ATXN7L1: variants seen among roughly 807,000 people sequenced by gnomAD.
ATXN7L1 encodes the protein ataxin-7-like protein 1.
In ATXN7L1, 15 loss-of-function variants were observed where a neutral mutation model predicts 70.8. The ratio of observed to expected loss-of-function variants is 0.21; its 90% CI spans 0.14 to 0.33. ATXN7L1 has a LOEUF of 0.33. Ranked by LOEUF, ATXN7L1 falls within the 10% of genes least tolerant of loss-of-function variation. The probability of loss-of-function intolerance (pLI) is 1.00; values close to 1 mark genes in which losing one functional copy is unlikely to be tolerated. For synonymous variants in ATXN7L1, 440 were observed against 445.1 expected (o/e 0.99, Z 0.14); for missense variants, 975 against 1,097.1 (o/e 0.89, Z 1.57).
At chr7:105,845,618 C>T (rs899233605) in intron 2 of ATXN7L1, among the ~76,000 whole-genome samples, 4 of 146,534 alleles carry the variant, frequency 2.7e-5, no homozygotes, top group African/African-American at 1.0e-4. Context: ...TGAAAAAGAA[C>T]AAAGTTGGAA....
In ATXN7L1 at chr7:105,658,716, T is replaced by G. The variant is rs2116025686; in HGVS notation, c.578+6350A>C. On this transcript the variant is annotated intron_variant, in intron 4 of 11. Coordinates refer to ENST00000419735, the MANE Select transcript of ATXN7L1 (RefSeq NM_020725.2). ...TGGTTATTTTTTTTTGTATTTTTAG[T>G]AGATACGGGGTTCCACCATGTTGGC... 2.0e-5 allele frequency among the ~76,000 whole-genome samples: 3 copies of G among 152,138 alleles called. No individual in the cohort carries two copies. The Middle Eastern group carries it at 0.01, about 517-fold the overall frequency.
intron 5 of ATXN7L1, among the ~76,000 whole-genome samples, 185 bp downstream of exon 5, chr7:105,642,653 C>G (rs1054015846): frequency 6.6e-6 from 1 of 152,200 alleles, no homozygotes; most frequent in Non-Finnish European, 1.5e-5. Flanking sequence ...TTCATCTGCC[C>G]GGGGAAGAAG....
At chr7:105,793,953 A>C in intron 2 of ATXN7L1, among the ~76,000 whole-genome samples, 1 of 151,618 alleles carries the variant, frequency 6.6e-6, no homozygotes. Flanking sequence ...CCATCTATCC[A>C]TCTTTCCATC....
intron 3 of ATXN7L1, among the ~76,000 whole-genome samples, chr7:105,759,985 AC>A (rs1184963616): frequency 6.6e-6 from 1 of 152,112 alleles, no homozygotes; most frequent in African/African-American, 2.4e-5. Context: ...ATTTCCTTCC[AC>A]CCAGGTTAAA....
chr7:105,863,936 CACAA>C (rs1213015978), intron 2 of ATXN7L1, among the ~76,000 whole-genome samples: 10 of 152,066 alleles, frequency 6.6e-5, no homozygotes, highest in Admixed American at 6.6e-4. Context: ...AAATTTAAAA[CACAA>C]ACAAAAAACT....
At chr7:105,824,224 G>A (rs182309261) in intron 2 of ATXN7L1, among the ~76,000 whole-genome samples, 4 of 152,154 alleles carry the variant, frequency 2.6e-5, no homozygotes, top group African/African-American at 9.7e-5. Context: ...TGATGAGTTC[G>A]CAATGTAATC....
At position 105,819,732 on chromosome 7, in the gene ATXN7L1, C is replaced by T. The variant is rs2116561404; in HGVS notation, c.251-31024G>A. On this transcript the variant is annotated intron_variant, in intron 2 of 11. Transcript: ENST00000419735. The stretch of plus-strand genomic sequence containing the variant: ...CTTCCGGGCCTCTAGCCGCACCTTC[C>T]GGCTGACCTCGAGGCATGTTGCCCC... The T allele has an allele frequency of 1.1e-5, 9 of 784,128 alleles. No individual in the cohort carries two copies. In the East Asian group the frequency reaches 1.7e-4, roughly 15 times the overall value. 48.6% of individuals were successfully genotyped at this position (784,128 alleles called of 1,614,324 possible). A position where few individuals can be genotyped will look rare whatever the true frequency, so the allele number is the denominator to read the frequency against.
chr7:105,875,981 G>T, intron 1 of ATXN7L1, 101 bp from the exon 2 acceptor site: 4 of 1,009,126 alleles, frequency 4.0e-6, no homozygotes, highest in Middle Eastern at 2.1e-4. Flanking sequence ...CAAACAGATC[G>T]ATATAAATAC....
At chr7:105,615,587 T>C (rs1369150230) in intron 9 of ATXN7L1, among the ~76,000 whole-genome samples, 1 of 152,206 alleles carries the variant, frequency 6.6e-6, no homozygotes, top group Non-Finnish European at 1.5e-5. Flanking sequence ...ACCTTAGCTC[T>C]TGCTCAGAGG....
At chr7:105,790,663 A>AT (rs1554464813) in intron 2 of ATXN7L1, among the ~76,000 whole-genome samples, 48 of 141,126 alleles carry the variant, frequency 3.4e-4, no homozygotes, top group Admixed American at 1.1e-3. Context: ...TCATCTATCT[A>AT]CTATCTATCT....
chr7:105,856,827 CAGAG>C (rs113369406), intron 2 of ATXN7L1, among the ~76,000 whole-genome samples: 6 of 148,580 alleles, frequency 4.0e-5, no homozygotes, highest in African/African-American at 1.2e-4. Flanking sequence ...GTGTGTGAGA[CAGAG>C]AGAGAGAGAG....
At chr7:105,703,871 T>C (rs1229892864) in intron 3 of ATXN7L1, among the ~76,000 whole-genome samples, 1 of 152,228 alleles carries the variant, frequency 6.6e-6, no homozygotes, top group Non-Finnish European at 1.5e-5. Flanking sequence ...GGCTGGGCCT[T>C]TGTCAAGCTT....
intron 2 of ATXN7L1, among the ~76,000 whole-genome samples, chr7:105,834,204 G>A (rs903518792): frequency 7.2e-5 from 11 of 152,078 alleles, no homozygotes; most frequent in African/African-American, 2.7e-4. Flanking sequence ...CACCACGCCT[G>A]GCTAATTTTG....
chr7:105,631,956 T>C (rs943001127), intron 7 of ATXN7L1, among the ~76,000 whole-genome samples: 3 of 152,206 alleles, frequency 2.0e-5, no homozygotes, highest in Non-Finnish European at 4.4e-5. Flanking sequence ...ACATCACCAA[T>C]CAGGTTTCTA....
At chr7:105,743,200 T>C (rs1798208968) in intron 3 of ATXN7L1, among the ~76,000 whole-genome samples, 1 of 152,054 alleles carries the variant, frequency 6.6e-6, no homozygotes, top group Non-Finnish European at 1.5e-5. Context: ...GTACAGGGGA[T>C]CCACACGGAG....
At chr7:105,648,500 G>A (rs929471653) in intron 4 of ATXN7L1, among the ~76,000 whole-genome samples, 1 of 152,180 alleles carries the variant, frequency 6.6e-6, no homozygotes, top group Non-Finnish European at 1.5e-5. Context: ...AGGAGGAAAC[G>A]GTCACAGGAT....
At chr7:105,769,445 A>C (rs1334118365) in intron 3 of ATXN7L1, among the ~76,000 whole-genome samples, 1 of 152,102 alleles carries the variant, frequency 6.6e-6, no homozygotes, top group Non-Finnish European at 1.5e-5. Context: ...CACTCAGGCA[A>C]TGCTTGGCCC....
At chr7:105,654,184 A>G (rs76505285) in intron 4 of ATXN7L1, among the ~76,000 whole-genome samples, 4,728 of 152,334 alleles carry the variant, frequency 0.031, 121 homozygotes, top group East Asian at 0.083. Context: ...TAACACAATA[A>G]AAACCAAACT....
At chr7:105,655,965 C>A (rs1401189010) in intron 4 of ATXN7L1, among the ~76,000 whole-genome samples, 1 of 152,260 alleles carries the variant, frequency 6.6e-6, no homozygotes, top group Non-Finnish European at 1.5e-5. Flanking sequence ...GGCTCATCTT[C>A]TGCATTTTTA....
Sources: allele counts gnomAD v4.1 joint callset (sites outside exome capture counted in the v4.1 genomes callset), GRCh38; gene constraint gnomAD v4.1.1; transcripts MANE v1.5; gene names NCBI Gene and HGNC (gene_info 2026-07-23, HGNC 2026-07-21).